THBS2: variants seen among roughly 807,000 people sequenced by gnomAD.
The protein encoded by THBS2 is thrombospondin 2.
Under a neutral mutation model 135.2 loss-of-function variants are expected in THBS2, and 47 were observed. The observed-to-expected ratio is 0.35, with a 90% confidence interval of 0.28 to 0.44. The LOEUF is 0.44. Among genes scored for constraint, THBS2 ranks in the 20% least tolerant of loss-of-function variants. The pLI, the probability that THBS2 is intolerant of heterozygous loss-of-function variation, is 1.00. For synonymous variants in THBS2, 639 were observed against 633.8 expected, an observed-to-expected ratio of 1.01 and a Z score of -0.12; for missense variants, 1,288 against 1,603.1, an observed-to-expected ratio of 0.80 and a Z score of 3.36.
Position 169,239,622 on chromosome 6 carries a change from T to G in THBS2, c.1106A>C (p.Glu369Ala). Residue 369 changes from glutamate to alanine, a missense_variant, in exon 7 of 22, where the codon GAA becomes GCA. By Grantham distance (107) the Glu-to-Ala change is moderately radical. Around this residue, in one of 2 missense-constraint regions of THBS2, gnomAD observed 874 missense variants for 1,156.1 expected, o/e 0.76. Transcript: ENST00000617924. ...ACAGTGGAGGCAGGAAGGGCAGCAT[T>G]CGCCTTCCACAAAGGATGGACTGGC... ...TCASPSFVEG[E>A]CCPSCLHSVD... 6.2e-7 allele frequency: 1 copy of G among 1,604,270 alleles called. No homozygotes were observed. Among genetic ancestry groups the G allele is most frequent in the Non-Finnish European group, 8.5e-7 (1 of 1,176,306 alleles).
At chr6:169,242,392 T>C (rs532843310) in intron 4 of THBS2, among the ~76,000 whole-genome samples, 3 of 152,146 alleles carry the variant, frequency 2.0e-5, no homozygotes, top group Admixed American at 2.0e-4. Flanking sequence ...ATCCCCCATA[T>C]GTTCTGACGG....
At position 169,226,260 on chromosome 6, in the gene THBS2, TGTAGAC is replaced by T; in HGVS notation, c.2452_2457del (p.Val818_Tyr819del). On this transcript the variant is annotated inframe_deletion, in exon 16 of 22. Transcript: ENST00000617924. ...CCATCCGTGTCCCTCTGGTCAGTGT[TGTAGAC>T]GTAGGGACAATTGTCTCGTTCATTG... The T allele has an allele frequency of 6.2e-7, 1 of 1,614,140 alleles. No homozygotes were observed. Among genetic ancestry groups the T allele is most frequent in the Non-Finnish European group, 8.5e-7 (1 of 1,179,994 alleles).
rs143409889 is a variant in THBS2 at position 169,244,134 on chromosome 6, T to A, written c.694+2063A>T. Among the ~76,000 whole-genome samples, 584 of 151,316 alleles carry A rather than the reference T, an allele frequency of 3.9e-3. 6 individuals carry two copies. Among genetic ancestry groups the A allele is most frequent in the Middle Eastern group, 0.021 (6 of 288 alleles). On this transcript the variant is annotated intron_variant, in intron 4 of 21. Transcript: ENST00000617924. ...TATAGATCCATACTTATTCTACACA[T>A]CTGGAGATAACAGATCTAGATTTCT...
chr6:169,245,595 A>G (rs1007725243), intron 4 of THBS2, among the ~76,000 whole-genome samples: 2 of 152,152 alleles, frequency 1.3e-5, no homozygotes, highest in Non-Finnish European at 2.9e-5. Context: ...GATCGAGACC[A>G]TCTTGGCTAA....
At chr6:169,251,414 T>G (rs1412406240) in intron 1 of THBS2, among the ~76,000 whole-genome samples, 1 of 152,222 alleles carries the variant, frequency 6.6e-6, no homozygotes, top group Non-Finnish European at 1.5e-5. Flanking sequence ...GCCTCTTTAT[T>G]TTCCTGCAGG....
At position 169,248,822 on chromosome 6, in the gene THBS2, T is replaced by G. The variant is rs61730650; in HGVS notation, c.204A>C (p.Ala68=). The part of the protein sequence containing the change: ...VRFDYIPPVN[A]DDLSKITKIM... ...TCTTGGTGATCTTGCTGAGGTCATCTGCGTTCACCGGTGGGATGTAGTCAA... is the reference window on the plus strand; with the variant it reads ...TCTTGGTGATCTTGCTGAGGTCATCGGCGTTCACCGGTGGGATGTAGTCAA... The change falls in exon 3 of 22, where the codon GCA becomes GCC. Residue 68 remains alanine (A), a synonymous_variant. Transcript: ENST00000617924. 1.2e-6 allele frequency: 2 copies of G among 1,610,858 alleles called. No individual in the cohort carries two copies. Among genetic ancestry groups the G allele is most frequent in the Admixed American group, 1.7e-5 (1 of 59,992 alleles).
chr6:169,249,962 A>G (rs936501057), intron 2 of THBS2, among the ~76,000 whole-genome samples: 5 of 151,992 alleles, frequency 3.3e-5, no homozygotes, highest in African/African-American at 1.2e-4. Context: ...CCCGGGAGGC[A>G]GAGCTTGCAG....
chr6:169,234,446 C>A lies in THBS2; in HGVS notation c.1651+288G>T, dbSNP rs114147869. Reference sequence around the variant, plus strand: ...TGCCCACATTCCACAGGCCACGCCACACAACTACCCACATTCCACAGGCCA... The same window carrying A: ...TGCCCACATTCCACAGGCCACGCCAAACAACTACCCACATTCCACAGGCCA... On this transcript the variant is annotated intron_variant, in intron 10 of 21. Transcript: ENST00000617924. 69 of 330,436 alleles carry A rather than the reference C, an allele frequency of 2.1e-4. 1 individual carries two copies. The highest frequency in any genetic ancestry group is 1.5e-3 in the African/African-American group (64 of 43,228). 20.5% of individuals were successfully genotyped at this position (330,436 alleles called of 1,614,324 possible).
At chr6:169,233,366 C>T (rs73043879) in intron 10 of THBS2, among the ~76,000 whole-genome samples, 17,346 of 151,446 alleles carry the variant, frequency 0.11, 1,194 homozygotes, top group Non-Finnish European at 0.15. Context: ...AACCTACCTA[C>T]GCGCCACGTT....
In THBS2 at chr6:169,234,832, G is replaced by A. The variant is rs1322984880; in HGVS notation, c.1553C>T (p.Thr518Ile). 2.5e-6 allele frequency: 4 copies of A among 1,613,176 alleles called. No homozygotes were observed. The highest frequency in any genetic ancestry group is 3.4e-6 in the Non-Finnish European group (4 of 1,179,792). The change falls in exon 10 of 22, where the codon ACC (threonine) becomes ATC (isoleucine). Residue 518 changes from threonine to isoleucine, a missense_variant. This residue lies in a region of THBS2 where 874 missense variants were observed against 1,156.1 expected (regional missense o/e 0.76). Coordinates refer to ENST00000617924, the MANE Select transcript of THBS2 (RefSeq NM_003247.5). Reference sequence around the variant, plus strand: ...AGGCTCAGGGCTGTTGCAGACCCGGGTGCGCTCCCGGATCCCACCGGCACA... The same window carrying A: ...AGGCTCAGGGCTGTTGCAGACCCGGATGCGCTCCCGGATCCCACCGGCACA... ...VTCAGGIRER[T>I]RVCNSPEPQY...
chr6:169,248,733 C>T lies in THBS2; in HGVS notation c.293G>A (p.Gly98Asp). The change falls in exon 3 of 22, where the codon GGC becomes GAC. Residue 98 changes from glycine to aspartate, a missense_variant. Around this residue, in one of 2 missense-constraint regions of THBS2, gnomAD observed 414 missense variants for 447.0 expected, o/e 0.93. Transcript: ENST00000617924. ...AQLKQDGKSR[G>D]TLLALEGPGL... ...GGGGCCCTCCAGAGCCAACAGCGTG[C>T]CCCTGGACTTGCCGTCCTGCTTGAG... The T allele has an allele frequency of 1.2e-6, 2 of 1,613,670 alleles. No individual in the cohort carries two copies. Among genetic ancestry groups the T allele is most frequent in the Non-Finnish European group, 1.7e-6 (2 of 1,180,018 alleles).
Position 169,241,649 on chromosome 6 carries a change from T to G in THBS2, c.891+113A>C, listed in dbSNP as rs989743132. On this transcript the variant is annotated intron_variant, in intron 5 of 21. Coordinates refer to ENST00000617924, the MANE Select transcript of THBS2 (RefSeq NM_003247.5). The surrounding 1 kb of genome is among the most constrained non-coding windows in gnomAD (Gnocchi z 5.5). ...ACCTCCCCTGTGAACTGTGGGTTTT[T>G]ACATCGAGCATGAGGCACTGCCAAG... is the stretch of plus-strand genomic sequence containing the variant. 1 of 1,128,266 alleles carries G rather than the reference T, an allele frequency of 8.9e-7. No homozygotes were observed. The highest frequency in any genetic ancestry group is 1.6e-5 in the South Asian group (1 of 63,016). The allele number at this position is 1,128,266 out of a possible 1,614,324, so 69.9% of individuals were successfully genotyped here.
At position 169,237,627 on chromosome 6, in the gene THBS2, CG is replaced by C. The variant is rs1780147066; in HGVS notation, c.1297del (p.Arg433AlafsTer19). 6.2e-7 allele frequency: 1 copy of C among 1,612,178 alleles called. No individual in the cohort carries two copies. The highest frequency in any genetic ancestry group is 8.5e-7 in the Non-Finnish European group (1 of 1,179,918). On this transcript the variant is annotated frameshift_variant, in exon 8 of 22. Transcript: ENST00000617924. LOFTEE classifies it high-confidence loss of function. ...RACSLSKCDTRIRQDGGWSHW... is the reference protein window; with the variant it reads ...RACSLSKCDTXIRQDGGWSHW... ...GGTGTCACCTGCCCGACACTCACTG[CG>C]GGTGTCACACTTGCTCAGACTGCAA... is the stretch of plus-strand genomic sequence containing the variant.
In THBS2 at chr6:169,225,220, C is replaced by T; in HGVS notation, c.2698G>A (p.Asp900Asn). The T allele has an allele frequency of 6.2e-7, 1 of 1,614,196 alleles. No individual in the cohort carries two copies. Among genetic ancestry groups the T allele is most frequent in the Non-Finnish European group, 8.5e-7 (1 of 1,180,030 alleles). Residue 900 changes from aspartate (D) to asparagine (N), a missense_variant, in exon 17 of 22, where the codon GAT (aspartate) becomes AAT (asparagine). By Grantham distance (23) the Asp-to-Asn change is conservative. Coordinates refer to ENST00000617924, the MANE Select transcript of THBS2 (RefSeq NM_003247.5). ...DGQGDACDPDDDNDGVPDDRD... is the reference protein window; with the variant it reads ...DGQGDACDPDNDNDGVPDDRD... Reference sequence around the variant, plus strand: ...TCATCGGGGACGCCATCGTTGTCATCATCAGGGTCACAGGCGTCGCCCTGG... The same window carrying T: ...TCATCGGGGACGCCATCGTTGTCATTATCAGGGTCACAGGCGTCGCCCTGG...
rs182641150 is a variant in THBS2 at position 169,231,996 on chromosome 6, G to T, written c.2135C>A (p.Thr712Asn). The T allele has an allele frequency of 4.1e-4, 660 of 1,613,906 alleles. 4 individuals are homozygous for T. The highest frequency in any genetic ancestry group is 5.0e-4 in the Non-Finnish European group (594 of 1,179,916). The change falls in exon 13 of 22, where the codon ACC (threonine) becomes AAC (asparagine). Residue 712 changes from threonine (T) to asparagine (N), a missense_variant. By Grantham distance (65) the Thr-to-Asn change is moderately conservative. Around this residue, in one of 2 missense-constraint regions of THBS2, gnomAD observed 874 missense variants for 1,156.1 expected, o/e 0.76. Transcript: ENST00000617924. ...NLNLVCATNA[T>N]YHCIKDNCPH... The stretch of plus-strand genomic sequence containing the variant: ...GCGCCTCACCTTGATGCAGTGGTAG[G>T]TGGCGTTGGTGGCGCAGACCAGATT...
Position 169,241,514 on chromosome 6 carries a change from T to C in THBS2, c.891+248A>G, listed in dbSNP as rs1780296909. Among the ~76,000 whole-genome samples the C allele has an allele frequency of 6.6e-6, 1 of 152,088 alleles. No individual in the cohort carries two copies. The highest frequency in any genetic ancestry group is 6.5e-5 in the Admixed American group (1 of 15,274). ...AATTTCCCAAAATTAAGAATTTATT[T>C]TGGAGACTGTGCCCAGGACTGTTTT... On this transcript the variant is annotated intron_variant, in intron 5 of 21. Transcript: ENST00000617924. The surrounding 1 kb of genome is among the most constrained non-coding windows in gnomAD (Gnocchi z 5.5).
chr6:169,251,834 C>CTA (rs1780764708), intron 1 of THBS2, among the ~76,000 whole-genome samples: 6 of 133,528 alleles, frequency 4.5e-5, no homozygotes, highest in Admixed American at 3.8e-4. Context: ...GCTGGGACCC[C>CTA]CCCCCCAAAC....
In THBS2 at chr6:169,241,710, G is replaced by A. The variant is rs372613682; in HGVS notation, c.891+52C>T. 28 of 1,524,698 alleles carry A rather than the reference G, an allele frequency of 1.8e-5. No homozygotes were observed. Among genetic ancestry groups the A allele is most frequent in the African/African-American group, 1.5e-4 (11 of 73,166 alleles). 94.4% of individuals were successfully genotyped at this position (1,524,698 alleles called of 1,614,324 possible). ...TTGATACCTGCTGAGATGGGCCAGC[G>A]GCGGAGCTGCCCATGCCCTATGACC... On this transcript the variant is annotated intron_variant, in intron 5 of 21. Coordinates refer to ENST00000617924, the MANE Select transcript of THBS2 (RefSeq NM_003247.5). The surrounding 1 kb of genome is among the most constrained non-coding windows in gnomAD (Gnocchi z 5.5).
Position 169,228,116 on chromosome 6 carries a change from A to C in THBS2, c.2419+6T>G, listed in dbSNP as rs1583408261. 1 of 1,599,132 alleles carries C rather than the reference A, an allele frequency of 6.3e-7. No individual in the cohort carries two copies. The highest frequency in any genetic ancestry group is 8.5e-7 in the Non-Finnish European group (1 of 1,175,722). On this transcript the variant is annotated splice_donor_region_variant and intron_variant, in intron 15 of 21. Transcript: ENST00000617924. Reference sequence around the variant, plus strand: ...TGCACGCATGGGAAGGAGCAGAAGCACCCACCGTCCCCATCAATGTCCACG... The same window carrying C: ...TGCACGCATGGGAAGGAGCAGAAGCCCCCACCGTCCCCATCAATGTCCACG...
Sources: gnomAD v4.1 joint callset for allele counts (sites outside exome capture counted in the v4.1 genomes callset) on GRCh38, gnomAD v4.1.1 for gene constraint, gnomAD v4.1.1 regional missense constraint, Gnocchi (gnomAD v3.1) non-coding constraint, MANE v1.5 for transcripts, NCBI Gene and HGNC (gene_info 2026-07-23, HGNC 2026-07-21) for gene names.